The following NCKAP1 variants were observed in gnomAD, a reference collection of about 807,000 sequenced individuals.
NCKAP1 encodes nck-associated protein 1.
NCKAP1 carries 21 observed loss-of-function variants against 151.2 expected under a neutral mutation model. The observed-to-expected ratio is 0.14, with a 90% confidence interval of 0.10 to 0.20. NCKAP1 has a LOEUF of 0.20. Among genes scored for constraint, NCKAP1 ranks in the 10% least tolerant of loss-of-function variants. The pLI is 1.00. For synonymous variants in NCKAP1, 484 were observed against 451.8 expected, an observed-to-expected ratio of 1.07 and a Z score of -0.90; for missense variants, 933 against 1,352.1, an observed-to-expected ratio of 0.69 and a Z score of 4.86.
chr2:183,007,880 C>A (rs1464708332), intron 2 of NCKAP1, among the ~76,000 whole-genome samples: 4 of 152,142 alleles, frequency 2.6e-5, no homozygotes, highest in Admixed American at 2.6e-4. Flanking sequence ...CCTCTTGCCT[C>A]TTCAATCTTC....
chr2:182,930,762 T>A lies in NCKAP1; in HGVS notation c.2886A>T (p.Ser962=), dbSNP rs1039299514. The change falls in exon 27 of 31, where the codon TCA becomes TCT. Residue 962 remains serine (S), a synonymous_variant. Coordinates refer to ENST00000361354, the MANE Select transcript of NCKAP1 (RefSeq NM_013436.5). ...TCTCACAAGGTAATCCGGCAGCTGA[T>A]GATAACTCATACACATTCATTGCAA... ...MKVAMNVYEL[S]SAAGLPCEID... 1.9e-6 allele frequency: 3 copies of A among 1,613,290 alleles called. No individual in the cohort carries two copies. The East Asian group carries it at 6.7e-5, about 36-fold the overall frequency.
At chr2:182,973,957 T>C (rs1443913680) in intron 15 of NCKAP1, among the ~76,000 whole-genome samples, 1 of 152,118 alleles carries the variant, frequency 6.6e-6, no homozygotes, top group Admixed American at 6.6e-5. Context: ...TCAGCTGCTA[T>C]TTTTTACATT....
chr2:182,911,846 T>C lies in NCKAP1; in HGVS notation c.*13856A>G, dbSNP rs887339860. 4.6e-5 allele frequency: 6 copies of C among 131,010 alleles called. No individual in the cohort carries two copies. Among genetic ancestry groups the C allele is most frequent in the Non-Finnish European group, 1.0e-4 (6 of 59,580 alleles). 8.1% of individuals were successfully genotyped at this position (131,010 alleles called of 1,614,324 possible). A position where few individuals can be genotyped will look rare whatever the true frequency, so the allele number is the denominator to read the frequency against. ...AAGATGGTTATACTTTTTAAAAAAG[T>C]TTTTCATGATTTTATTAGAAAGCAG... On this transcript the variant is annotated 3_prime_UTR_variant, in exon 31 of 31. Transcript: ENST00000361354.
At chr2:183,035,716 T>C (rs1037009021) in intron 1 of NCKAP1, among the ~76,000 whole-genome samples, 2 of 152,178 alleles carry the variant, frequency 1.3e-5, no homozygotes, top group Non-Finnish European at 2.9e-5. Context: ...CAGACAATTC[T>C]ATAGGCTGAA....
intron 16 of NCKAP1, among the ~76,000 whole-genome samples, chr2:182,966,273 C>A (rs1697567562): frequency 6.6e-6 from 1 of 152,000 alleles, no homozygotes; most frequent in Non-Finnish European, 1.5e-5. Flanking sequence ...GATTTTGAAT[C>A]CTAACCCCAC....
rs760047982 is a variant in NCKAP1 at position 182,916,169 on chromosome 2, C to CAAAAAAAAAA, written c.*9523_*9532dup. On this transcript the variant is annotated 3_prime_UTR_variant, in exon 31 of 31. Transcript: ENST00000361354. ...ACCTTGCTTCCCCTTCGCCTTCTGT[C>CAAAAAAAAAA]AAAAAAAAAAAAAAAAAAAAAACAT... 1.1e-5 allele frequency: 1 copy of CAAAAAAAAAA among 87,906 alleles called. No individual in the cohort carries two copies. Among genetic ancestry groups the CAAAAAAAAAA allele is most frequent in the Non-Finnish European group, 2.1e-5 (1 of 48,166 alleles). 5.4% of individuals were successfully genotyped at this position (87,906 alleles called of 1,614,324 possible). A position where few individuals can be genotyped will look rare whatever the true frequency, so the allele number is the denominator to read the frequency against.
chr2:183,030,474 A>T (rs1698983889), intron 1 of NCKAP1, among the ~76,000 whole-genome samples: 1 of 152,254 alleles, frequency 6.6e-6, no homozygotes, highest in African/African-American at 2.4e-5. Context: ...ACAATGAATT[A>T]ACTGAAAAAA....
chr2:182,984,423 G>GGGGTGTGTGTGTGTGTGTGTGTGTGT (rs984252600), intron 10 of NCKAP1, among the ~76,000 whole-genome samples: 3 of 144,282 alleles, frequency 2.1e-5, no homozygotes, highest in Admixed American at 6.9e-5. Flanking sequence ...TTTAGATTGG[G>GGGGTGTGTGTGTGTGTGTGTGTGTGT]GTGTGTGTGT....
intron 2 of NCKAP1, among the ~76,000 whole-genome samples, chr2:183,005,560 C>T (rs1212796352): frequency 6.6e-6 from 1 of 152,076 alleles, no homozygotes; most frequent in South Asian, 2.1e-4. Context: ...CTTTTTAATA[C>T]AATCTCATAG....
intron 16 of NCKAP1, among the ~76,000 whole-genome samples, chr2:182,966,346 C>A (rs548786164): frequency 6.6e-6 from 1 of 151,860 alleles, no homozygotes; most frequent in Non-Finnish European, 1.5e-5. Flanking sequence ...AGTGCAGTGG[C>A]GTGATCTTGG....
Position 182,917,020 on chromosome 2 carries a change from C to A in NCKAP1, c.*8682G>T, listed in dbSNP as rs1696478842. 1 of 152,088 alleles carries A rather than the reference C, an allele frequency of 6.6e-6. No individual in the cohort carries two copies. The highest frequency in any genetic ancestry group is 2.4e-5 in the African/African-American group (1 of 41,420). 9.4% of individuals were successfully genotyped at this position (152,088 alleles called of 1,614,324 possible). Reference sequence around the variant, plus strand: ...TTTGAAGGCAATTTTATAAGTGAAACCAAATAGCCTAATAATACTGGAGAA... The same window carrying A: ...TTTGAAGGCAATTTTATAAGTGAAAACAAATAGCCTAATAATACTGGAGAA... On this transcript the variant is annotated 3_prime_UTR_variant, in exon 31 of 31. Transcript: ENST00000361354.
intron 8 of NCKAP1, among the ~76,000 whole-genome samples, chr2:182,991,313 T>C (rs1698166796): frequency 6.6e-6 from 1 of 152,294 alleles, no homozygotes; most frequent in Non-Finnish European, 1.5e-5. Flanking sequence ...ATCCCAACAC[T>C]ATGGGAGGCC....
rs1697529236 is a variant in NCKAP1 at position 182,964,757 on chromosome 2, G to C, written c.1680C>G (p.Pro560=). ...EKMFQQCLEL[P]SQSRYSIAFP... ...ATGCAATTGAGTATCTTGATTGAGA[G>C]GGTAACTCCAAACACTGTTGAAACA... The change falls in exon 17 of 31, where the codon CCC becomes CCG. Residue 560 remains proline, a synonymous_variant. Transcript: ENST00000361354. 6.2e-7 allele frequency: 1 copy of C among 1,609,972 alleles called. No individual in the cohort carries two copies. Among genetic ancestry groups the C allele is most frequent in the Non-Finnish European group, 8.5e-7 (1 of 1,177,684 alleles).
rs969324966 is a variant in NCKAP1 at position 183,038,386 on chromosome 2, G to A, written c.-287C>T. On this transcript the variant is annotated 5_prime_UTR_variant, in exon 1 of 31. Coordinates refer to ENST00000361354, the MANE Select transcript of NCKAP1 (RefSeq NM_013436.5). ...GGCGCTCTCCGCCCCAGCCCCCAACGAGCCGCCTTCCCCGGCTGCTCCACT... is the reference window on the plus strand; with the variant it reads ...GGCGCTCTCCGCCCCAGCCCCCAACAAGCCGCCTTCCCCGGCTGCTCCACT... 4 of 249,554 alleles carry A rather than the reference G, an allele frequency of 1.6e-5. No individual in the cohort carries two copies. The highest frequency in any genetic ancestry group is 1.4e-4 in the South Asian group (1 of 7,172). 15.5% of individuals were successfully genotyped at this position (249,554 alleles called of 1,614,324 possible). A position where few individuals can be genotyped will look rare whatever the true frequency, so the allele number is the denominator to read the frequency against.
rs574058940 is a variant in NCKAP1, at chr2:182,923,410, T to A, written c.*2292A>T. 3 of 152,286 alleles carry A rather than the reference T, an allele frequency of 2.0e-5. No homozygotes were observed. In the East Asian group the frequency reaches 5.8e-4, roughly 30 times the overall value. The allele number at this position is 152,286 out of a possible 1,614,324, so 9.4% of individuals were successfully genotyped here. A position where few individuals can be genotyped will look rare whatever the true frequency, so the allele number is the denominator to read the frequency against. ...ACCTCAGCCTCCCATGTAGCCAGGA[T>A]GATAGGTGTGCACCATCATACCTGG... On this transcript the variant is annotated 3_prime_UTR_variant, in exon 31 of 31. Coordinates refer to ENST00000361354, the MANE Select transcript of NCKAP1 (RefSeq NM_013436.5).
intron 20 of NCKAP1, 60 bp downstream of exon 20, chr2:182,956,402 A>T: frequency 1.3e-6 from 2 of 1,546,460 alleles, no homozygotes; most frequent in Non-Finnish European, 1.8e-6. Flanking sequence ...AACACTGTAT[A>T]ATTAAATAAC....
At position 182,909,273 on chromosome 2, in the gene NCKAP1, T is replaced by C. The variant is rs1696352054; in HGVS notation, c.*16429A>G. On this transcript the variant is annotated 3_prime_UTR_variant, in exon 31 of 31. Transcript: ENST00000361354. Reference sequence around the variant, plus strand: ...GGCATTAAGTACATTCATGTTGCTGTGCAACAACCACCATCATCCACTGTC... The same window carrying C: ...GGCATTAAGTACATTCATGTTGCTGCGCAACAACCACCATCATCCACTGTC... 6.6e-6 allele frequency: 1 copy of C among 152,226 alleles called. No homozygotes were observed. Among genetic ancestry groups the C allele is most frequent in the Non-Finnish European group, 1.5e-5 (1 of 68,038 alleles). 9.4% of individuals were successfully genotyped at this position (152,226 alleles called of 1,614,324 possible). A position where few individuals can be genotyped will look rare whatever the true frequency, so the allele number is the denominator to read the frequency against.
At chr2:182,974,791 G>A (rs1697771800) in intron 15 of NCKAP1, among the ~76,000 whole-genome samples, 1 of 151,660 alleles carries the variant, frequency 6.6e-6, no homozygotes, top group Non-Finnish European at 1.5e-5. Context: ...GGCAGCCCTA[G>A]GAAACTAACA....
chr2:182,951,272 T>C (rs1224257284), intron 23 of NCKAP1, among the ~76,000 whole-genome samples: 1 of 152,192 alleles, frequency 6.6e-6, no homozygotes, highest in East Asian at 1.9e-4. Context: ...TTGTTCTATA[T>C]ATTTGCTCAA....
Sources: gnomAD v4.1 joint callset for allele counts (sites outside exome capture counted in the v4.1 genomes callset) on GRCh38, gnomAD v4.1.1 for gene constraint, MANE v1.5 for transcripts, NCBI Gene and HGNC (gene_info 2026-07-23, HGNC 2026-07-21) for gene names.